The following SIL1 variants were observed in gnomAD, a reference collection of about 807,000 sequenced individuals.
SIL1 encodes the protein nucleotide exchange factor SIL1.
Under a neutral mutation model 49.1 loss-of-function variants are expected in SIL1, and 40 were observed. The ratio of observed to expected loss-of-function variants is 0.81; its 90% CI spans 0.63 to 1.06. The LOEUF is 1.06. Among genes scored for constraint, SIL1 ranks in the 50% least tolerant of loss-of-function variants. SIL1 has a pLI of 0.00. For missense variants in SIL1, 500 were observed against 572.6 expected (o/e 0.87, Z 1.29); for synonymous variants, 253 against 250.8 (o/e 1.01, Z -0.08).
chr5:139,056,952 T>A (rs1363514629), intron 3 of SIL1, among the ~76,000 whole-genome samples: 1 of 152,090 alleles, frequency 6.6e-6, no homozygotes, highest in Non-Finnish European at 1.5e-5. Flanking sequence ...CATGGGAGAC[T>A]TTTCATTTTG....
intron 3 of SIL1, among the ~76,000 whole-genome samples, chr5:139,100,063 T>C (rs565550276): frequency 1.3e-5 from 2 of 152,326 alleles, no homozygotes; most frequent in Admixed American, 6.5e-5. Context: ...ACACCTATAA[T>C]GTATGCACAA....
chr5:139,134,859 T>C (rs1203988772), intron 1 of SIL1, among the ~76,000 whole-genome samples: 7 of 152,202 alleles, frequency 4.6e-5, no homozygotes, highest in Non-Finnish European at 2.9e-5. Flanking sequence ...TTACTATTTA[T>C]GGGCTGCACA....
chr5:139,067,911 A>C (rs929178124), intron 3 of SIL1, among the ~76,000 whole-genome samples: 1 of 152,250 alleles, frequency 6.6e-6, no homozygotes, highest in Non-Finnish European at 1.5e-5. Flanking sequence ...TCACTATAGC[A>C]TTCTAATAAT....
At chr5:138,997,798 A>G (rs1767903077) in intron 7 of SIL1, among the ~76,000 whole-genome samples, 1 of 152,200 alleles carries the variant, frequency 6.6e-6, no homozygotes, top group African/African-American at 2.4e-5. Context: ...ACCTCAAGTG[A>G]TCCACCTGCC....
intron 3 of SIL1, among the ~76,000 whole-genome samples, chr5:139,058,815 CTAA>C (rs1277227138): frequency 6.6e-6 from 1 of 152,132 alleles, no homozygotes; most frequent in Non-Finnish European, 1.5e-5. Context: ...TCAGCCACTT[CTAA>C]CGAGCCCTAG....
intron 3 of SIL1, among the ~76,000 whole-genome samples, chr5:139,092,958 A>G (rs1464419487): frequency 6.6e-6 from 1 of 152,208 alleles, no homozygotes; most frequent in Non-Finnish European, 1.5e-5. Context: ...TCACTATCAC[A>G]GGAGTGGGTA....
At chr5:139,075,160 AC>A (rs1382892951) in intron 3 of SIL1, among the ~76,000 whole-genome samples, 1 of 152,170 alleles carries the variant, frequency 6.6e-6, no homozygotes, top group Non-Finnish European at 1.5e-5. Context: ...AATACTAAAC[AC>A]CCATTATGAC....
chr5:139,027,019 A>C (rs752217874), intron 5 of SIL1, 27 bp from the exon 6 acceptor site: 117 of 1,613,068 alleles, frequency 7.3e-5, no homozygotes, highest in Admixed American at 4.7e-4. Context: ...AGAGGTGATT[A>C]AATTGGTTGG....
At chr5:139,026,676 T>C in intron 6 of SIL1, 125 bp downstream of exon 6, 1 of 898,250 alleles carries the variant, frequency 1.1e-6, no homozygotes, top group South Asian at 1.4e-5. Flanking sequence ...CAAGACTAGA[T>C]TAAAAATAGT....
At chr5:139,145,606 A>T (rs1751175356) in intron 1 of SIL1, among the ~76,000 whole-genome samples, 1 of 131,668 alleles carries the variant, frequency 7.6e-6, no homozygotes, top group Non-Finnish European at 1.7e-5. Flanking sequence ...GATTTTTATA[A>T]AATGTGGGTG....
chr5:139,021,219 G>C lies in SIL1; in HGVS notation c.719C>G (p.Pro240Arg). ...AAACGCAGCATACTCCTTCACGAGG[G>C]GCTCTGTGCTGTTCAGCCCATTGAT... ...VVINGLNSTE[P>R]LVKEYAAFVL... is the part of the protein sequence containing the mutation. Residue 240 changes from proline (P) to arginine (R), a missense_variant, in exon 7 of 10, where the codon CCC (proline) becomes CGC (arginine). Pro to Arg is a moderately radical substitution (Grantham distance 103, BLOSUM62 -2). Coordinates refer to ENST00000394817, the MANE Select transcript of SIL1 (RefSeq NM_022464.5). 1 of 1,614,120 alleles carries C rather than the reference G, an allele frequency of 6.2e-7. No individual in the cohort carries two copies. The highest frequency in any genetic ancestry group is 8.5e-7 in the Non-Finnish European group (1 of 1,180,034).
rs375151563 is a variant in SIL1, at chr5:139,056,122, T to C, written c.245-5076A>G. Among the ~76,000 whole-genome samples the C allele has an allele frequency of 6.3e-5, 9 of 143,000 alleles. No individual in the cohort carries two copies. In the East Asian group the frequency reaches 6.6e-4, roughly 10 times the overall value. 93.8% of individuals were successfully genotyped at this position (143,000 alleles called of 152,430 possible). A position where few individuals can be genotyped will look rare whatever the true frequency, so the allele number is the denominator to read the frequency against. ...TCTGGGAAGTGAGGAGCGTCTCTGCTTGGCCACCCATCGTCTGGGATGTGA... is the reference window on the plus strand; with the variant it reads ...TCTGGGAAGTGAGGAGCGTCTCTGCCTGGCCACCCATCGTCTGGGATGTGA... On this transcript the variant is annotated intron_variant, in intron 3 of 9. Coordinates refer to ENST00000394817, the MANE Select transcript of SIL1 (RefSeq NM_022464.5).
intron 1 of SIL1, among the ~76,000 whole-genome samples, chr5:139,176,986 G>A (rs1398350541): frequency 3.7e-5 from 5 of 136,840 alleles, no homozygotes; most frequent in African/African-American, 1.1e-4. Flanking sequence ...AGGCTGGAGT[G>A]CAGTGACGCA....
chr5:139,054,237 GTACAAAAAAATTAA>G (rs1769355582), intron 3 of SIL1, among the ~76,000 whole-genome samples: 1 of 152,098 alleles, frequency 6.6e-6, no homozygotes, highest in African/African-American at 2.4e-5. Flanking sequence ...GACCCCGTCT[GTACAAAAAAATTAA>G]AATAAAAAAA....
At chr5:139,103,571 C>A (rs1770637761) in intron 3 of SIL1, among the ~76,000 whole-genome samples, 1 of 152,202 alleles carries the variant, frequency 6.6e-6, no homozygotes, top group Admixed American at 6.5e-5. Flanking sequence ...GAGAGTCCAG[C>A]AACACAGCAG....
At chr5:139,191,849 G>GGCAGATCTCGAGGCCA (rs1752177637) in intron 1 of SIL1, among the ~76,000 whole-genome samples, 1 of 151,912 alleles carries the variant, frequency 6.6e-6, no homozygotes, top group Non-Finnish European at 1.5e-5. Context: ...GGCCGAGGCC[G>GGCAGATCTCGAGGCCA]GCAGATCTCG....
At chr5:139,197,434 A>T (rs1305639874) in intron 1 of SIL1, among the ~76,000 whole-genome samples, 1 of 152,174 alleles carries the variant, frequency 6.6e-6, no homozygotes. Context: ...TGGGAAAGCC[A>T]ACTGAACTTT....
At chr5:138,965,746 G>A (rs1767125438) in intron 7 of SIL1, among the ~76,000 whole-genome samples, 1 of 150,176 alleles carries the variant, frequency 6.7e-6, no homozygotes, top group Admixed American at 6.7e-5. Flanking sequence ...AAGACCAAGG[G>A]CTCTGGAGCC....
intron 1 of SIL1, among the ~76,000 whole-genome samples, chr5:139,174,893 A>G (rs1217053738): frequency 6.8e-6 from 1 of 146,456 alleles, no homozygotes; most frequent in Non-Finnish European, 1.5e-5. Context: ...AAGCGACATC[A>G]TGTCACTGCA....
Sources: allele counts gnomAD v4.1 joint callset (sites outside exome capture counted in the v4.1 genomes callset), GRCh38; gene constraint gnomAD v4.1.1; transcripts MANE v1.5; gene names NCBI Gene and HGNC (gene_info 2026-07-23, HGNC 2026-07-21).